RSRP1: variants seen among roughly 807,000 people sequenced by gnomAD.
The protein encoded by RSRP1 is arginine and serine rich protein 1.
In RSRP1, 37 loss-of-function variants were observed where a neutral mutation model predicts 33.0. The observed-to-expected ratio is 1.12, with a 90% CI of 0.86 to 1.48. The LOEUF is 1.48. Among genes scored for constraint, RSRP1 ranks in the 40% most tolerant of loss-of-function variants. The pLI, the probability that RSRP1 is intolerant of heterozygous loss-of-function variation, is 0.00. For missense variants in RSRP1, 402 were observed against 385.3 expected, an observed-to-expected ratio of 1.04 and a Z score of -0.36; for synonymous variants, 167 against 158.7, an observed-to-expected ratio of 1.05 and a Z score of -0.40.
rs752498217 is a variant in RSRP1 at position 25,320,653 on chromosome 1, G to C, written c.-67+17325C>G. ...TCAGGAGCATTTCCTTGCTTCCTGT[G>C]AAAGGAAGCACTCATTCCATGTGTC... On this transcript the variant is annotated intron_variant, in intron 1 of 1. Coordinates refer to the RSRP1 transcript ENST00000561867. Among the ~76,000 whole-genome samples the C allele has an allele frequency of 1.5e-5, 2 of 132,214 alleles. 1 individual carries two copies. The highest frequency in any genetic ancestry group is 3.6e-5 in the Non-Finnish European group (2 of 55,792). 86.7% of individuals were successfully genotyped at this position (132,214 alleles called of 152,430 possible). A position where few individuals can be genotyped will look rare whatever the true frequency, so the allele number is the denominator to read the frequency against.
At chr1:25,249,949 G>A (rs913264532), upstream of RSRP1, among the ~76,000 whole-genome samples, 2 of 152,196 alleles carry the variant, frequency 1.3e-5, no homozygotes, top group Non-Finnish European at 2.9e-5. Flanking sequence ...AACCAAGCGA[G>A]ATAGAGAAAC....
chr1:25,315,557 C>T lies in RSRP1; in HGVS notation c.-67+22421G>A, dbSNP rs565641305. ...TGTTGCCCAGGCTGGAGTGCAGTGG[C>T]GTGATCTCAGCTCACTGCAAACTCC... On this transcript the variant is annotated intron_variant, in intron 1 of 1. Transcript: ENST00000561867. Among the ~76,000 whole-genome samples the T allele has an allele frequency of 3.1e-4, 37 of 119,130 alleles. 2 individuals are homozygous for T. The highest frequency in any genetic ancestry group is 9.3e-4 in the African/African-American group (32 of 34,244). 78.2% of individuals were successfully genotyped at this position (119,130 alleles called of 152,430 possible). A position where few individuals can be genotyped will look rare whatever the true frequency, so the allele number is the denominator to read the frequency against.
intron 1 of RSRP1, among the ~76,000 whole-genome samples, chr1:25,260,378 A>G (rs1240701543): frequency 6.6e-6 from 1 of 152,258 alleles, no homozygotes; most frequent in Non-Finnish European, 1.5e-5. Context: ...TATAAGCACT[A>G]TTTGCACGAA....
intron 1 of RSRP1, among the ~76,000 whole-genome samples, chr1:25,254,560 T>C (rs770149316): frequency 2.6e-5 from 4 of 152,194 alleles, no homozygotes; most frequent in East Asian, 1.9e-4. Flanking sequence ...CTCAGCCTCC[T>C]GAGTAGCTGG....
At chr1:25,293,617 T>G (rs1292759732) in intron 1 of RSRP1, among the ~76,000 whole-genome samples, 1 of 131,304 alleles carries the variant, frequency 7.6e-6, no homozygotes, top group African/African-American at 2.6e-5. Context: ...CTTCCTAGGA[T>G]TTAGAAATTT....
At chr1:25,309,107 C>A (rs1200855414) in intron 1 of RSRP1, among the ~76,000 whole-genome samples, 4 of 131,558 alleles carry the variant, frequency 3.0e-5, no homozygotes, top group African/African-American at 1.1e-4. Flanking sequence ...TGGCATTGGG[C>A]AAGTCAGTTG....
Position 25,247,438 on chromosome 1 carries a change from A to G in RSRP1, c.-196T>C, listed in dbSNP as rs145565737. Reference sequence around the variant, plus strand: ...GCGAATTCCACAACCTCCACCTCCTACGTCCGGATGCGCACTGAGGGACTA... The same window carrying G: ...GCGAATTCCACAACCTCCACCTCCTGCGTCCGGATGCGCACTGAGGGACTA... On this transcript the variant is annotated 5_prime_UTR_variant, in exon 1 of 5. Coordinates refer to ENST00000243189, the MANE Select transcript of RSRP1 (RefSeq NM_020317.5). The G allele has an allele frequency of 2.1e-4, 33 of 156,576 alleles. No homozygotes were observed. The highest frequency in any genetic ancestry group is 7.7e-4 in the African/African-American group (32 of 41,654). The allele number at this position is 156,576 out of a possible 1,614,324, so 9.7% of individuals were successfully genotyped here. A position where few individuals can be genotyped will look rare whatever the true frequency, so the allele number is the denominator to read the frequency against.
At chr1:25,285,538 A>T (rs1346988226) in intron 1 of RSRP1, among the ~76,000 whole-genome samples, 2 of 135,050 alleles carry the variant, frequency 1.5e-5, no homozygotes, top group Admixed American at 1.4e-4. Context: ...CTTTGTTTAC[A>T]TGCATTTGTG....
rs543253839 is a variant in RSRP1 at position 25,245,010 on chromosome 1, T to C, written c.672+140A>G. The C allele has an allele frequency of 2.2e-5, 35 of 1,557,686 alleles. 1 individual carries two copies. The South Asian group carries it at 4.0e-4, about 18-fold the overall frequency. On this transcript the variant is annotated intron_variant, in intron 3 of 4. Coordinates refer to ENST00000243189, the MANE Select transcript of RSRP1 (RefSeq NM_020317.5). ...TTTCATGGGTTTGACATTGCCTATC[T>C]TCAGATTTGCTACTTTGAATTTAGC...
At chr1:25,277,449 C>T (rs1377161878) in intron 1 of RSRP1, among the ~76,000 whole-genome samples, 3 of 133,448 alleles carry the variant, frequency 2.2e-5, no homozygotes, top group Non-Finnish European at 5.3e-5. Context: ...GCCCAGCAGT[C>T]TGTGTTTTCA....
chr1:25,258,895 G>A (rs185742363), intron 1 of RSRP1, among the ~76,000 whole-genome samples: 123 of 152,216 alleles, frequency 8.1e-4, no homozygotes, highest in Non-Finnish European at 1.5e-3. Flanking sequence ...CAATGTTCGC[G>A]CAGGCACTGG....
intron 1 of RSRP1, chr1:25,290,586 T>TGAATG: frequency 8.2e-7 from 1 of 1,217,296 alleles, no homozygotes; most frequent in Middle Eastern, 1.9e-4. Flanking sequence ...AATGAATGAA[T>TGAATG]GAGTGAGAGG....
In RSRP1 at chr1:25,285,074, G is replaced by A. The variant is rs539353031; in HGVS notation, c.-66-38045C>T. Among the ~76,000 whole-genome samples the A allele has an allele frequency of 3.6e-3, 487 of 133,776 alleles. 1 individual carries two copies. The highest frequency in any genetic ancestry group is 0.02 in the South Asian group (88 of 4,488). 87.8% of individuals were successfully genotyped at this position (133,776 alleles called of 152,430 possible). ...TAATCAATATAAGTTTATGGAAAAC[G>A]TAAGAAGGAAACACGTTAGACAGAG... On this transcript the variant is annotated intron_variant, in intron 1 of 1. Coordinates refer to the RSRP1 transcript ENST00000561867.
At chr1:25,291,330 A>C (rs1340129696) in intron 1 of RSRP1, among the ~76,000 whole-genome samples, 1 of 129,562 alleles carries the variant, frequency 7.7e-6, no homozygotes, top group East Asian at 2.0e-4. Context: ...TTAGCTGGGC[A>C]TGGTGGCAGG....
Position 25,246,932 on chromosome 1 carries a change from C to T in RSRP1, c.32G>A (p.Gly11Asp). The change falls in exon 2 of 5, where the codon GGC becomes GAC. Residue 11 changes from glycine (G) to aspartate (D), a missense_variant. Gly to Asp is a moderately conservative substitution (Grantham distance 94). Transcript: ENST00000243189. ...GGGCGAATCCTTCTCCTGCGGCGAG[C>T]CCGGCCACATGTCGTTCACGTAGTT... MSNYVNDMWP[G>D]SPQEKDSPST... is the part of the protein sequence containing the mutation. 7 of 1,591,200 alleles carry T rather than the reference C, an allele frequency of 4.4e-6. No individual in the cohort carries two copies. The highest frequency in any genetic ancestry group is 6.0e-6 in the Non-Finnish European group (7 of 1,165,574).
At chr1:25,251,431 T>C (rs1639778048), upstream of RSRP1, among the ~76,000 whole-genome samples, 1 of 152,150 alleles carries the variant, frequency 6.6e-6, no homozygotes, top group Non-Finnish European at 1.5e-5. Context: ...GTGCAATGGC[T>C]TGATCTTGGC....
At chr1:25,247,880 G>A (rs1639614076), upstream of RSRP1, 1 of 152,476 alleles carries the variant, frequency 6.6e-6, no homozygotes, top group Non-Finnish European at 1.5e-5. Flanking sequence ...TCGGAGCTGG[G>A]GCCGTCTGAC....
Position 25,246,862 on chromosome 1 carries a change from A to G in RSRP1, c.102T>C (p.Ser34=), listed in dbSNP as rs917022183. 3.7e-6 allele frequency: 6 copies of G among 1,611,626 alleles called. No individual in the cohort carries two copies. The African/African-American group carries it at 8.0e-5, about 22-fold the overall frequency. The change falls in exon 2 of 5, where the codon TCT becomes TCC. Residue 34 remains serine, a synonymous_variant. Coordinates refer to ENST00000243189, the MANE Select transcript of RSRP1 (RefSeq NM_020317.5). ...SGGSSRLSSR[S]RSRSFSRSSR... is the part of the protein sequence containing the mutation. ...AGCTTCTGGAAAAAGAGCGGCTCCT[A>G]GACCGCGACGACAGCCGGCTGGACC...
chr1:25,293,186 G>T (rs562745446), intron 1 of RSRP1, among the ~76,000 whole-genome samples: 1 of 130,666 alleles, frequency 7.7e-6, no homozygotes, highest in African/African-American at 2.6e-5. Flanking sequence ...GCTATAAAGG[G>T]GAACAGAGAA....
Sources: gnomAD v4.1 joint callset for allele counts (sites outside exome capture counted in the v4.1 genomes callset) on GRCh38, gnomAD v4.1.1 for gene constraint, MANE v1.5 for transcripts, NCBI Gene and HGNC (gene_info 2026-07-23, HGNC 2026-07-21) for gene names.